The following RPH3AL variants were observed in gnomAD, a reference collection of about 807,000 sequenced individuals.
RPH3AL encodes rab effector Noc2.
RPH3AL carries 38 observed loss-of-function variants against 43.1 expected under a neutral mutation model. That is an observed-to-expected ratio of 0.88 (90% CI 0.68 to 1.15). The LOEUF is 1.15. Among genes scored for constraint, RPH3AL ranks in the 50% most tolerant of loss-of-function variants. The pLI is 0.00. For synonymous variants in RPH3AL, 189 were observed against 176.3 expected (o/e 1.07, Z -0.57); for missense variants, 462 against 423.2 (o/e 1.09, Z -0.81).
Position 243,194 on chromosome 17 carries a change from T to TTACCTTCCTCTATTGAC in RPH3AL, c.613+3900_613+3916dup, listed in dbSNP as rs1567577560. 5.8e-4 allele frequency among the ~76,000 whole-genome samples: 47 copies of TTACCTTCCTCTATTGAC among 81,710 alleles called. 2 individuals are homozygous for TTACCTTCCTCTATTGAC. The highest frequency in any genetic ancestry group is 1.1e-3 in the Admixed American group (9 of 8,350). The allele number at this position is 81,710 out of a possible 152,430, so 53.6% of individuals were successfully genotyped here. A position where few individuals can be genotyped will look rare whatever the true frequency, so the allele number is the denominator to read the frequency against. On this transcript the variant is annotated intron_variant, in intron 7 of 9. Coordinates refer to ENST00000331302, the MANE Select transcript of RPH3AL (RefSeq NM_006987.4). ...CTATTGATTACCCTTCCTCTATTGA[T>TTACCTTCCTCTATTGAC]TACCTTCCTCTATTGACTACCTTCC...
At chr17:275,703 T>C (rs1205520359) in intron 6 of RPH3AL, among the ~76,000 whole-genome samples, 2 of 152,166 alleles carry the variant, frequency 1.3e-5, no homozygotes, top group African/African-American at 2.4e-5. Flanking sequence ...TGTGCCACTA[T>C]ACCTGGCTAA....
chr17:327,911 T>A (rs117580809), intron 2 of RPH3AL, among the ~76,000 whole-genome samples: 1,905 of 152,218 alleles, frequency 0.013, 21 homozygotes, highest in Middle Eastern at 0.034. Flanking sequence ...CTGGAGGCCA[T>A]CTGCTCCCTG....
chr17:318,111 G>A (rs1048748073), intron 5 of RPH3AL, among the ~76,000 whole-genome samples: 4 of 152,214 alleles, frequency 2.6e-5, no homozygotes, highest in South Asian at 2.1e-4. Flanking sequence ...AGCCAGGCAC[G>A]GTGGCTCACG....
chr17:315,554 A>C (rs2043991053), intron 5 of RPH3AL, among the ~76,000 whole-genome samples: 2 of 150,644 alleles, frequency 1.3e-5, no homozygotes, highest in African/African-American at 4.9e-5. Flanking sequence ...ATTGACCTGT[A>C]GTCCCTGTGC....
chr17:258,149 T>C (rs184816352), intron 6 of RPH3AL, among the ~76,000 whole-genome samples: 123 of 152,352 alleles, frequency 8.1e-4, no homozygotes, highest in African/African-American at 2.8e-3. Flanking sequence ...CGTCTGTTCA[T>C]AGGTACGTGG....
intron 5 of RPH3AL, among the ~76,000 whole-genome samples, chr17:291,610 CGT>C (rs2043050579): frequency 6.6e-6 from 1 of 152,156 alleles, no homozygotes; most frequent in Admixed American, 6.5e-5. Flanking sequence ...AGAGCCTCCA[CGT>C]GTGTGTTTCA....
intron 5 of RPH3AL, among the ~76,000 whole-genome samples, chr17:291,574 C>T (rs1049990012): frequency 9.9e-5 from 15 of 152,214 alleles, no homozygotes; most frequent in African/African-American, 1.7e-4. Flanking sequence ...TGAATGGCCT[C>T]GGTGCATGCA....
chr17:231,820 G>A (rs543578234), intron 7 of RPH3AL, among the ~76,000 whole-genome samples: 5 of 152,380 alleles, frequency 3.3e-5, no homozygotes, highest in South Asian at 2.1e-4. Context: ...ATTGGGTCTC[G>A]GGCAAATTAG....
At chr17:279,633 C>T (rs1421666248) in intron 6 of RPH3AL, among the ~76,000 whole-genome samples, 1 of 152,178 alleles carries the variant, frequency 6.6e-6, no homozygotes, top group East Asian at 1.9e-4. Context: ...ATTTGTCTTT[C>T]CTTCCATTCA....
At chr17:258,229 G>A (rs978996559) in intron 6 of RPH3AL, among the ~76,000 whole-genome samples, 1 of 152,154 alleles carries the variant, frequency 6.6e-6, no homozygotes, top group Non-Finnish European at 1.5e-5. Flanking sequence ...CCAAACAGGA[G>A]GAAGCATCAC....
intron 5 of RPH3AL, among the ~76,000 whole-genome samples, chr17:308,305 G>A (rs2043553695): frequency 6.6e-6 from 1 of 152,224 alleles, no homozygotes; most frequent in African/African-American, 2.4e-5. Context: ...CCATTTGGGA[G>A]GGAGGCTCTG....
At chr17:231,623 A>C (rs373525368) in intron 7 of RPH3AL, among the ~76,000 whole-genome samples, 207 of 152,272 alleles carry the variant, frequency 1.4e-3, no homozygotes, top group African/African-American at 4.6e-3. Context: ...CTGGAGATGG[A>C]CGTGCTTCAC....
intron 6 of RPH3AL, among the ~76,000 whole-genome samples, chr17:268,563 T>G (rs1335424122): frequency 3.8e-5 from 5 of 133,332 alleles, no homozygotes; most frequent in African/African-American, 1.4e-4. Context: ...GTTTTTTTTT[T>G]TTTTTTTTTT....
In RPH3AL at chr17:315,275, G is replaced by C. The variant is rs569695178; in HGVS notation, c.351+4145C>G. Among the ~76,000 whole-genome samples the C allele has an allele frequency of 5.2e-5, 7 of 135,670 alleles. No homozygotes were observed. The South Asian group carries it at 7.2e-4, about 14-fold the overall frequency. The allele number at this position is 135,670 out of a possible 152,430, so 89.0% of individuals were successfully genotyped here. A position where few individuals can be genotyped will look rare whatever the true frequency, so the allele number is the denominator to read the frequency against. On this transcript the variant is annotated intron_variant, in intron 5 of 9. Transcript: ENST00000331302. ...CCTGTGCCCCCACCTCCATTGACCTGTAGTCCCTGTGCCCCCACCTCCAGT... is the reference window on the plus strand; with the variant it reads ...CCTGTGCCCCCACCTCCATTGACCTCTAGTCCCTGTGCCCCCACCTCCAGT...
At chr17:272,995 T>TGAGACCCCGGCGAGGGTGACGTCAGGGA (rs2042531161) in intron 6 of RPH3AL, among the ~76,000 whole-genome samples, 1 of 32,770 alleles carries the variant, frequency 3.1e-5, no homozygotes, top group Admixed American at 3.5e-4. Flanking sequence ...TACGTCAGGG[T>TGAGACCCCGGCGAGGGTGACGTCAGGGA]GAGACCCCAG....
Position 213,517 on chromosome 17 carries a change from C to G in RPH3AL, c.*335G>C. On this transcript the variant is annotated 3_prime_UTR_variant, in exon 10 of 10. Transcript: ENST00000331302. ...GAGATAGCCCCACCGGGCGGCCCCTCTGACACTGCATGTGGGAAACCCCCC... is the reference window on the plus strand; with the variant it reads ...GAGATAGCCCCACCGGGCGGCCCCTGTGACACTGCATGTGGGAAACCCCCC... The G allele has an allele frequency of 2.3e-6, 1 of 441,716 alleles. No individual in the cohort carries two copies. The highest frequency in any genetic ancestry group is 4.2e-6 in the Non-Finnish European group (1 of 240,914). The allele number at this position is 441,716 out of a possible 1,614,324, so 27.4% of individuals were successfully genotyped here.
intron 5 of RPH3AL, among the ~76,000 whole-genome samples, chr17:315,580 C>G (rs1598096784): frequency 3.1e-4 from 47 of 150,860 alleles, no homozygotes; most frequent in African/African-American, 1.1e-3. Flanking sequence ...CTCCATTGAC[C>G]TGTAGTCCCT....
Position 246,896 on chromosome 17 carries a change from C to T in RPH3AL, c.613+215G>A, listed in dbSNP as rs1024664018. Among the ~76,000 whole-genome samples the T allele has an allele frequency of 4.6e-5, 7 of 152,236 alleles. No homozygotes were observed. The highest frequency in any genetic ancestry group is 1.9e-4 in the East Asian group (1 of 5,200). On this transcript the variant is annotated intron_variant, in intron 7 of 9. Coordinates refer to ENST00000331302, the MANE Select transcript of RPH3AL (RefSeq NM_006987.4). This position sits in a 1 kb window ranked among gnomAD's most constrained non-coding sequence, Gnocchi z 4.8. ...TACTGCCCCCCGTGGGCCCTCCCGCCGCACTCCTGCACAGAGCGAACAGTC... is the reference window on the plus strand; with the variant it reads ...TACTGCCCCCCGTGGGCCCTCCCGCTGCACTCCTGCACAGAGCGAACAGTC...
intron 5 of RPH3AL, among the ~76,000 whole-genome samples, chr17:296,976 T>C (rs2151631205): frequency 6.6e-6 from 1 of 152,182 alleles, no homozygotes; most frequent in East Asian, 1.9e-4. Context: ...GGACAAACCG[T>C]AACACCGATT....
Sources: gnomAD v4.1 joint callset for allele counts (sites outside exome capture counted in the v4.1 genomes callset) on GRCh38, gnomAD v4.1.1 for gene constraint, Gnocchi (gnomAD v3.1) non-coding constraint, MANE v1.5 for transcripts, NCBI Gene and HGNC (gene_info 2026-07-23, HGNC 2026-07-21) for gene names.